The following LRIG3 variants were observed in gnomAD, a reference collection of about 807,000 sequenced individuals.
LRIG3 encodes the protein leucine-rich repeats and immunoglobulin-like domains protein 3.
In LRIG3, 76 loss-of-function variants were observed where a neutral mutation model predicts 114.5. The ratio of observed to expected loss-of-function variants is 0.66; its 90% CI spans 0.55 to 0.80. The LOEUF (loss-of-function observed/expected upper bound fraction) is 0.80. Among genes scored for constraint, LRIG3 ranks in the 30% least tolerant of loss-of-function variants. The probability of loss-of-function intolerance (pLI) is 0.00; values close to 1 mark genes in which losing one functional copy is unlikely to be tolerated. For synonymous variants in LRIG3, 512 were observed against 519.8 expected (o/e 0.98, Z 0.20); for missense variants, 1,239 against 1,382.8 (o/e 0.90, Z 1.65).
At chr12:58,884,236 C>A (rs1449027613) in intron 10 of LRIG3, among the ~76,000 whole-genome samples, 1 of 152,200 alleles carries the variant, frequency 6.6e-6, no homozygotes, top group Non-Finnish European at 1.5e-5. Context: ...ATACTTCAGG[C>A]AGGAAATTCA....
intron 3 of LRIG3, among the ~76,000 whole-genome samples, chr12:58,901,915 A>T (rs562967979): frequency 1.3e-5 from 2 of 152,222 alleles, no homozygotes; most frequent in Non-Finnish European, 2.9e-5. Context: ...CCTTCCAGGG[A>T]TTTCTCTACA....
intron 1 of LRIG3, among the ~76,000 whole-genome samples, chr12:58,916,568 G>C (rs536732893): frequency 6.6e-6 from 1 of 152,196 alleles, no homozygotes; most frequent in South Asian, 2.1e-4. Context: ...GTACAACGTC[G>C]ATGTTTTCTT....
chr12:58,897,594 C>CA (rs1000995056), intron 3 of LRIG3, among the ~76,000 whole-genome samples: 2 of 152,132 alleles, frequency 1.3e-5, no homozygotes, highest in South Asian at 2.1e-4. Flanking sequence ...ACAACAACAA[C>CA]AAAAAATCAA....
At chr12:58,900,275 T>C (rs1008963007) in intron 3 of LRIG3, among the ~76,000 whole-genome samples, 2 of 151,754 alleles carry the variant, frequency 1.3e-5, no homozygotes, top group Non-Finnish European at 2.9e-5. Flanking sequence ...ACTTTGAGGT[T>C]CTCAAGCACC....
rs146063810 is a variant in LRIG3, at chr12:58,888,434, C to G, written c.842G>C (p.Gly281Ala). Residue 281 changes from glycine to alanine, a missense_variant, in exon 7 of 19, where the codon GGC (glycine) becomes GCC (alanine). Transcript: ENST00000320743. ...CAGCATCAGCAAGCCGTAAAGCCAG[C>G]CTTTGGTAATCTCTGTTAGGTTGTT... Reference protein sequence around the residue: ...DHNNLTEITKGWLYGLLMLQE... With the variant: ...DHNNLTEITKAWLYGLLMLQE... The G allele has an allele frequency of 3.4e-5, 55 of 1,613,734 alleles. No homozygotes were observed. The highest frequency in any genetic ancestry group is 1.7e-4 in the African/African-American group (13 of 74,882).
intron 3 of LRIG3, among the ~76,000 whole-genome samples, chr12:58,910,629 C>T (rs926855957): frequency 6.6e-6 from 1 of 151,638 alleles, no homozygotes; most frequent in African/African-American, 2.4e-5. Flanking sequence ...AAAACAAAAA[C>T]AAAAAAAACA....
chr12:58,914,281 G>C lies in LRIG3; in HGVS notation c.292C>G (p.Gln98Glu), dbSNP rs752462590. The C allele has an allele frequency of 1.8e-5, 29 of 1,613,886 alleles. No homozygotes were observed. The highest frequency in any genetic ancestry group is 4.2e-6 in the Non-Finnish European group (5 of 1,179,930). ...AAGACTCACACTTCTCGAAGGCTTT[G>C]AAGGTGGCTCATGGAACTTGCCTTG... is the stretch of plus-strand genomic sequence containing the variant. ...FIKASSMSHL[Q>E]SLREVKLNNN... Residue 98 changes from glutamine (Q) to glutamate (E), a missense_variant, in exon 2 of 19, where the codon CAA becomes GAA. Transcript: ENST00000320743.
intron 11 of LRIG3, 64 bp downstream of exon 11, chr12:58,883,456 C>T: frequency 2.5e-6 from 3 of 1,189,852 alleles, no homozygotes; most frequent in Non-Finnish European, 3.5e-6. Context: ...ATCCAGGATG[C>T]CACACCATAT....
At chr12:58,878,265 A>G (rs1870996989) in intron 14 of LRIG3, among the ~76,000 whole-genome samples, 1 of 152,242 alleles carries the variant, frequency 6.6e-6, no homozygotes, top group African/African-American at 2.4e-5. Flanking sequence ...GCCTGGGCCT[A>G]TATTAAAACT....
At chr12:58,905,118 C>T (rs1208889252) in intron 3 of LRIG3, among the ~76,000 whole-genome samples, 1 of 152,150 alleles carries the variant, frequency 6.6e-6, no homozygotes, top group Non-Finnish European at 1.5e-5. Flanking sequence ...AATGGGCCAA[C>T]AGGATGCAGA....
At chr12:58,918,138 C>G (rs1245652799) in intron 1 of LRIG3, among the ~76,000 whole-genome samples, 1 of 152,182 alleles carries the variant, frequency 6.6e-6, no homozygotes, top group Non-Finnish European at 1.5e-5. Flanking sequence ...GGGTTCCTGA[C>G]AACAGACTGA....
At chr12:58,894,977 G>A (rs1318483940) in intron 3 of LRIG3, among the ~76,000 whole-genome samples, 2 of 152,152 alleles carry the variant, frequency 1.3e-5, no homozygotes, top group African/African-American at 4.8e-5. Context: ...AACACCAGAT[G>A]GTTCCCTCAG....
At position 58,912,024 on chromosome 12, in the gene LRIG3, T is replaced by C. The variant is rs993204588; in HGVS notation, c.383+1958A>G. On this transcript the variant is annotated intron_variant, in intron 3 of 18. Coordinates refer to ENST00000320743, the MANE Select transcript of LRIG3 (RefSeq NM_153377.5). ...GAACAAAGCAATCACTGGCCAGAGGTATTGTAACACATTAAGGAGAAAGAA... is the reference window on the plus strand; with the variant it reads ...GAACAAAGCAATCACTGGCCAGAGGCATTGTAACACATTAAGGAGAAAGAA... Among the ~76,000 whole-genome samples, 18 of 152,272 alleles carry C rather than the reference T, an allele frequency of 1.2e-4. 2 individuals carry two copies. The South Asian group carries it at 3.5e-3, about 30-fold the overall frequency.
At chr12:58,905,567 C>T (rs750392849) in intron 3 of LRIG3, among the ~76,000 whole-genome samples, 4 of 152,174 alleles carry the variant, frequency 2.6e-5, no homozygotes, top group South Asian at 2.1e-4. Flanking sequence ...CCAAAACTCA[C>T]GTTGAAATGT....
chr12:58,920,472 A>C lies in LRIG3; in HGVS notation c.-237T>G. On this transcript the variant is annotated 5_prime_UTR_variant, in exon 1 of 19. Coordinates refer to ENST00000320743, the MANE Select transcript of LRIG3 (RefSeq NM_153377.5). ...ACTGCAACAGAGTTGCAGCTTGAGC[A>C]GCGTCGGCTCGCCGAAGCCCCTTCT... 2.6e-6 allele frequency: 1 copy of C among 381,278 alleles called. No individual in the cohort carries two copies. The highest frequency in any genetic ancestry group is 3.9e-5 in the East Asian group (1 of 25,790). The allele number at this position is 381,278 out of a possible 1,614,324, so 23.6% of individuals were successfully genotyped here.
At chr12:58,903,207 T>A (rs1467509671) in intron 3 of LRIG3, among the ~76,000 whole-genome samples, 2 of 152,220 alleles carry the variant, frequency 1.3e-5, no homozygotes, top group Admixed American at 6.5e-5. Context: ...AGTGTTCCTA[T>A]TTCTCCACAT....
chr12:58,872,792 C>T lies in LRIG3; in HGVS notation c.3140G>A (p.Arg1047Lys), dbSNP rs773078293. The change falls in exon 19 of 19, where the codon AGA (arginine) becomes AAA (lysine). Residue 1047 changes from arginine to lysine, a missense_variant. Coordinates refer to ENST00000320743, the MANE Select transcript of LRIG3 (RefSeq NM_153377.5). ...FMGTFGKALR[R>K]PHLDAYSSFG... is the part of the protein sequence containing the mutation. The stretch of plus-strand genomic sequence containing the variant: ...GCTTGAATAGGCATCTAGGTGAGGT[C>T]TCCTGAGAGCTTTTCCAAAGGTACC... 13 of 1,612,700 alleles carry T rather than the reference C, an allele frequency of 8.1e-6. No homozygotes were observed. In the Admixed American group the frequency reaches 2.0e-4, roughly 25 times the overall value.
intron 14 of LRIG3, 148 bp from the exon 15 acceptor site, chr12:58,878,000 T>C (rs554921373): frequency 2.7e-5 from 20 of 730,714 alleles, no homozygotes; most frequent in Non-Finnish European, 3.9e-5. Flanking sequence ...CCTAAACATA[T>C]ACAACATTCA....
rs1188056199 is a variant in LRIG3, at chr12:58,913,982, A to T, written c.383T>A (p.Leu128Ter). 1 of 1,610,778 alleles carries T rather than the reference A, an allele frequency of 6.2e-7. No homozygotes were observed. The highest frequency in any genetic ancestry group is 1.3e-5 in the African/African-American group (1 of 74,766). ...PVSANITLLS[L>*]AGNRIVEILP... The stretch of plus-strand genomic sequence containing the variant: ...AGGAATTCTGCTGATATTCACTTAC[A>T]AGGAGAGAAGTGTAATATTTGCCGA... The change falls in exon 3 of 19, where the codon TTG becomes TAG. Residue 128 changes from leucine to a stop codon, truncating the protein, a stop_gained and splice_region_variant. Transcript: ENST00000320743. LOFTEE classifies it high-confidence loss of function.
Sources: allele counts gnomAD v4.1 joint callset (sites outside exome capture counted in the v4.1 genomes callset), GRCh38; gene constraint gnomAD v4.1.1; transcripts MANE v1.5; gene names NCBI Gene and HGNC (gene_info 2026-07-23, HGNC 2026-07-21).